Variants in WAC observed in about 807,000 individuals in gnomAD.
WAC encodes WW domain containing adaptor with coiled-coil.
A neutral mutation model predicts 79.6 loss-of-function variants in WAC; 11 were observed. The observed-to-expected ratio is 0.14, with a 90% confidence interval of 0.09 to 0.23. WAC has a LOEUF of 0.23. Ranked by LOEUF, WAC falls within the 10% of genes least tolerant of loss-of-function variation. WAC has a pLI of 1.00. For missense variants in WAC, 728 were observed against 773.5 expected (o/e 0.94, Z 0.70); for synonymous variants, 304 against 276.9 (o/e 1.10, Z -0.97).
chr10:28,558,545 G>A (rs1177286357), intron 3 of WAC, among the ~76,000 whole-genome samples: 5 of 151,980 alleles, frequency 3.3e-5, no homozygotes, highest in Non-Finnish European at 7.4e-5. Context: ...GTTATGTGTA[G>A]CAATCTATTT....
intron 3 of WAC, among the ~76,000 whole-genome samples, chr10:28,540,009 A>G (rs1402433204): frequency 1.3e-5 from 2 of 152,142 alleles, no homozygotes; most frequent in African/African-American, 4.8e-5. Flanking sequence ...TTTTTAATAT[A>G]ATTTAGTAAC....
intron 3 of WAC, among the ~76,000 whole-genome samples, chr10:28,563,114 AG>A (rs1360446405): frequency 2.0e-5 from 3 of 152,158 alleles, no homozygotes; most frequent in Non-Finnish European, 4.4e-5. Flanking sequence ...CATGTTGGCC[AG>A]GGTGGTCTCG....
chr10:28,564,595 A>G (rs1384149770), intron 3 of WAC, among the ~76,000 whole-genome samples: 2 of 152,256 alleles, frequency 1.3e-5, no homozygotes, highest in East Asian at 3.8e-4. Context: ...AGGCAGGAGA[A>G]TAGACATAAA....
At chr10:28,600,672 TTCA>T (rs1173315689) in intron 7 of WAC, among the ~76,000 whole-genome samples, 2 of 152,050 alleles carry the variant, frequency 1.3e-5, no homozygotes, top group Non-Finnish European at 1.5e-5. Context: ...AAGGAAAGTC[TTCA>T]TCAAGACCCA....
chr10:28,591,705 A>G (rs1036724718), intron 6 of WAC: 2 of 152,118 alleles, frequency 1.3e-5, no homozygotes, highest in Non-Finnish European at 2.9e-5. Flanking sequence ...CCACAGAATT[A>G]AAAATTAACC....
chr10:28,600,457 C>T (rs1840585800), intron 7 of WAC, among the ~76,000 whole-genome samples: 1 of 152,032 alleles, frequency 6.6e-6, no homozygotes, highest in Non-Finnish European at 1.5e-5. Flanking sequence ...CACTCAGTTG[C>T]TTTGCTTTAA....
chr10:28,560,524 C>T (rs1455759948), intron 3 of WAC, among the ~76,000 whole-genome samples: 1 of 152,128 alleles, frequency 6.6e-6, no homozygotes, highest in Non-Finnish European at 1.5e-5. Flanking sequence ...CTGGTTTAGA[C>T]ACCAAACAGA....
Position 28,621,992 on chromosome 10 carries a change from C to T in WAC, c.*2386C>T, listed in dbSNP as rs890162542. On this transcript the variant is annotated 3_prime_UTR_variant, in exon 14 of 14. Transcript: ENST00000354911. ...TCCTGGGTTCAAGCGATTCTCCTGC[C>T]TCGGCGTTCCGAGTAGCTGGGATTA... The T allele has an allele frequency of 3.9e-5, 6 of 152,544 alleles. No homozygotes were observed. The highest frequency in any genetic ancestry group is 3.9e-4 in the Admixed American group (6 of 15,274). 9.4% of individuals were successfully genotyped at this position (152,544 alleles called of 1,614,324 possible). A position where few individuals can be genotyped will look rare whatever the true frequency, so the allele number is the denominator to read the frequency against.
chr10:28,541,207 A>G (rs1342103181), intron 3 of WAC, among the ~76,000 whole-genome samples: 1 of 152,084 alleles, frequency 6.6e-6, no homozygotes, highest in African/African-American at 2.4e-5. Context: ...GAAAATTTAT[A>G]TATTCTAATT....
At chr10:28,616,457 G>T in intron 12 of WAC, 95 bp downstream of exon 12, 1 of 1,016,862 alleles carries the variant, frequency 9.8e-7, no homozygotes, top group South Asian at 2.6e-5. Context: ...CTGAATTCAA[G>T]CAATATTTAA....
intron 3 of WAC, among the ~76,000 whole-genome samples, chr10:28,542,710 T>C (rs919929325): frequency 1.3e-5 from 2 of 152,192 alleles, no homozygotes; most frequent in Non-Finnish European, 2.9e-5. Context: ...AAGATAGCTA[T>C]TAGATGTTTG....
intron 3 of WAC, among the ~76,000 whole-genome samples, chr10:28,553,111 A>G (rs1403365838): frequency 1.3e-5 from 2 of 152,004 alleles, no homozygotes; most frequent in Non-Finnish European, 2.9e-5. Context: ...TAATATTTTC[A>G]TCAGTATATA....
chr10:28,614,850 G>A (rs1009174077), intron 11 of WAC, 165 bp downstream of exon 11: 13 of 535,382 alleles, frequency 2.4e-5, no homozygotes, highest in Non-Finnish European at 3.9e-5. Context: ...CTGTATACAA[G>A]AGGTAGGTTA....
intron 7 of WAC, among the ~76,000 whole-genome samples, chr10:28,598,567 T>C (rs1457010712): frequency 2.0e-5 from 3 of 152,356 alleles, no homozygotes; most frequent in East Asian, 1.9e-4. Flanking sequence ...AATTGTCTTA[T>C]GTTCATTTTA....
chr10:28,533,514 C>T lies in WAC; in HGVS notation c.-66C>T, dbSNP rs546092668. 14 of 1,119,232 alleles carry T rather than the reference C, an allele frequency of 1.3e-5. No homozygotes were observed. Among genetic ancestry groups the T allele is most frequent in the Middle Eastern group, 5.4e-4 (2 of 3,692 alleles). 69.3% of individuals were successfully genotyped at this position (1,119,232 alleles called of 1,614,324 possible). A position where few individuals can be genotyped will look rare whatever the true frequency, so the allele number is the denominator to read the frequency against. On this transcript the variant is annotated 5_prime_UTR_variant, in exon 1 of 14. Transcript: ENST00000354911. The stretch of plus-strand genomic sequence containing the variant: ...CGCCGCCCGCCGCCGCCGCCGCCTG[C>T]GCGCCCGCCCGCCTTTCGCGGCCGC...
Position 28,533,214 on chromosome 10 carries a change from C to T in WAC, c.-366C>T. 1 of 170,640 alleles carries T rather than the reference C, an allele frequency of 5.9e-6. No homozygotes were observed. Among genetic ancestry groups the T allele is most frequent in the Non-Finnish European group, 1.2e-5 (1 of 81,506 alleles). 10.6% of individuals were successfully genotyped at this position (170,640 alleles called of 1,614,324 possible). On this transcript the variant is annotated 5_prime_UTR_variant, in exon 1 of 14. Transcript: ENST00000354911. ...GAGGAGAAGAAGGACCAGGCGGCGG[C>T]AGCAGCGGCGGCGGCGGGGGGAGGA...
At chr10:28,535,816 A>C (rs1474213038) in intron 3 of WAC, 59 bp downstream of exon 3, 20 of 1,380,538 alleles carry the variant, frequency 1.4e-5, no homozygotes, top group Non-Finnish European at 2.0e-5. Flanking sequence ...TCTATATAAA[A>C]GGCGGCAGTA....
chr10:28,571,498 A>C (rs918199549), intron 3 of WAC, among the ~76,000 whole-genome samples: 24 of 151,940 alleles, frequency 1.6e-4, no homozygotes, highest in African/African-American at 4.8e-4. Flanking sequence ...GTACTTTCCT[A>C]CTTTTATGCT....
At chr10:28,535,889 T>A (rs941639348) in intron 3 of WAC, 132 bp downstream of exon 3, 4 of 810,244 alleles carry the variant, frequency 4.9e-6, no homozygotes, top group Admixed American at 7.0e-5. Flanking sequence ...ATCCTATCAT[T>A]TTTTTTTTAC....
Sources: gnomAD v4.1 joint callset for allele counts (sites outside exome capture counted in the v4.1 genomes callset) on GRCh38, gnomAD v4.1.1 for gene constraint, MANE v1.5 for transcripts, NCBI Gene and HGNC (gene_info 2026-07-23, HGNC 2026-07-21) for gene names.